The following GRAMD2B variants were observed in gnomAD, a reference collection of about 807,000 sequenced individuals.
GRAMD2B encodes GRAM domain-containing protein 2B.
Under a neutral mutation model 59.2 loss-of-function variants are expected in GRAMD2B, and 41 were observed. That is an observed-to-expected ratio of 0.69 (90% CI 0.54 to 0.90). The LOEUF is 0.90. GRAMD2B is among the 40% of genes least tolerant of loss of function. The pLI is 0.00. For missense variants in GRAMD2B, 424 were observed against 500.5 expected (o/e 0.85, Z 1.46); for synonymous variants, 161 against 182.7 (o/e 0.88, Z 0.96).
chr5:126,464,922 C>G (rs1374545256), intron 1 of GRAMD2B, among the ~76,000 whole-genome samples: 1 of 152,132 alleles, frequency 6.6e-6, no homozygotes, highest in Non-Finnish European at 1.5e-5. Flanking sequence ...TAATTCCTAC[C>G]TAGTCTGGGT....
chr5:126,464,711 C>T (rs1308126233), intron 1 of GRAMD2B, among the ~76,000 whole-genome samples: 1 of 152,158 alleles, frequency 6.6e-6, no homozygotes, highest in Admixed American at 6.5e-5. Context: ...TCCCACTCTG[C>T]CCTGGAGCTC....
chr5:126,486,750 T>G (rs899896495), intron 11 of GRAMD2B, 123 bp from the exon 12 acceptor site: 1 of 622,902 alleles, frequency 1.6e-6, no homozygotes, highest in Non-Finnish European at 2.9e-6. Context: ...TTTTAAAATC[T>G]TTTTACCAAG....
At chr5:126,372,343 C>A (rs1004699663) in intron 1 of GRAMD2B, among the ~76,000 whole-genome samples, 3 of 152,116 alleles carry the variant, frequency 2.0e-5, no homozygotes, top group Admixed American at 6.5e-5. Context: ...CTCAGAATAA[C>A]CCCCACACCC....
chr5:126,374,799 G>A (rs1279893056), intron 1 of GRAMD2B, among the ~76,000 whole-genome samples: 1 of 152,110 alleles, frequency 6.6e-6, no homozygotes, highest in East Asian at 1.9e-4. Context: ...TCACTAATCT[G>A]TAATGCCAGC....
At chr5:126,436,197 C>T (rs1355176921) in intron 1 of GRAMD2B, among the ~76,000 whole-genome samples, 1 of 152,144 alleles carries the variant, frequency 6.6e-6, no homozygotes, top group Non-Finnish European at 1.5e-5. Context: ...CCCATTTCAA[C>T]TTAATAATTA....
intron 1 of GRAMD2B, among the ~76,000 whole-genome samples, chr5:126,380,922 G>A (rs2149704133): frequency 6.6e-6 from 1 of 152,136 alleles, no homozygotes; most frequent in Non-Finnish European, 1.5e-5. Context: ...CTCTGGCTGG[G>A]ACTTTCAATA....
chr5:126,405,889 T>C (rs1442750481), intron 1 of GRAMD2B, among the ~76,000 whole-genome samples: 1 of 151,898 alleles, frequency 6.6e-6, no homozygotes, highest in Non-Finnish European at 1.5e-5. Context: ...TTTCAATAGA[T>C]ATTACATAGA....
rs779957201 is a variant in GRAMD2B at position 126,423,592 on chromosome 5, C to G, written c.-15C>G. On this transcript the variant is annotated 5_prime_UTR_variant, in exon 1 of 14. Transcript: ENST00000285689. ...GCGCGCGGAAGTCTGAAGGTGCCCT[C>G]CAGACACGGCCCCGATGACTGAACT... is the stretch of plus-strand genomic sequence containing the variant. 1.4e-5 allele frequency: 22 copies of G among 1,609,664 alleles called. No homozygotes were observed. The highest frequency in any genetic ancestry group is 3.4e-5 in the Admixed American group (2 of 59,450).
intron 1 of GRAMD2B, among the ~76,000 whole-genome samples, chr5:126,440,457 T>C (rs907924310): frequency 1.3e-5 from 2 of 152,142 alleles, no homozygotes; most frequent in African/African-American, 4.8e-5. Context: ...GCTATCCTAA[T>C]GAAGGTTCAG....
At chr5:126,431,913 C>T (rs968056322) in intron 1 of GRAMD2B, among the ~76,000 whole-genome samples, 2 of 152,144 alleles carry the variant, frequency 1.3e-5, no homozygotes, top group African/African-American at 4.8e-5. Flanking sequence ...CTCTTCTTCC[C>T]TAATGGGGAT....
At chr5:126,364,537 T>A (rs996094739) in intron 1 of GRAMD2B, among the ~76,000 whole-genome samples, 2 of 152,234 alleles carry the variant, frequency 1.3e-5, no homozygotes, top group Non-Finnish European at 2.9e-5. Flanking sequence ...TGGTACGTTT[T>A]CATTCTCTCA....
intron 1 of GRAMD2B, chr5:126,462,280 A>T: frequency 5.1e-6 from 1 of 197,218 alleles, no homozygotes; most frequent in Non-Finnish European, 9.2e-6. Flanking sequence ...CTTTAAAGTT[A>T]CTAAGTGGCC....
At chr5:126,392,076 T>C (rs1483144535) in intron 1 of GRAMD2B, among the ~76,000 whole-genome samples, 1 of 152,224 alleles carries the variant, frequency 6.6e-6, no homozygotes, top group Non-Finnish European at 1.5e-5. Context: ...CTAAACTATA[T>C]CTTCTGGATC....
At chr5:126,486,059 T>C (rs1441682933) in intron 11 of GRAMD2B, among the ~76,000 whole-genome samples, 2 of 152,200 alleles carry the variant, frequency 1.3e-5, no homozygotes, top group Non-Finnish European at 2.9e-5. Context: ...TTATTTTTTT[T>C]ACCTTATTTT....
chr5:126,464,095 T>C (rs1207709607), intron 1 of GRAMD2B, among the ~76,000 whole-genome samples: 3 of 151,968 alleles, frequency 2.0e-5, no homozygotes, highest in African/African-American at 7.3e-5. Context: ...TCAGATATAC[T>C]GGCCTTGATT....
intron 8 of GRAMD2B, among the ~76,000 whole-genome samples, chr5:126,481,871 G>C (rs1390476680): frequency 6.6e-6 from 1 of 151,846 alleles, no homozygotes; most frequent in African/African-American, 2.4e-5. Context: ...AGGAGGCCGA[G>C]GCAGGAGAAT....
rs1179723407 is a variant in GRAMD2B, at chr5:126,477,543, T to C, written c.487-149T>C. On this transcript the variant is annotated intron_variant, in intron 5 of 13. Coordinates refer to ENST00000285689, the MANE Select transcript of GRAMD2B (RefSeq NM_023927.4). ...TCAGTGATACATCCCTGCCACTCTG[T>C]AAGACTGGCTTTTTTTCATGGAGGC... 3 of 659,836 alleles carry C rather than the reference T, an allele frequency of 4.5e-6. No individual in the cohort carries two copies. The East Asian group carries it at 7.7e-5, about 17-fold the overall frequency. The allele number at this position is 659,836 out of a possible 1,614,324, so 40.9% of individuals were successfully genotyped here. A position where few individuals can be genotyped will look rare whatever the true frequency, so the allele number is the denominator to read the frequency against.
rs540397493 is a variant in GRAMD2B, at chr5:126,396,898, G to T, written c.125+25331G>T. On this transcript the variant is annotated intron_variant, in intron 1 of 8. Coordinates refer to the GRAMD2B transcript ENST00000506445. Reference sequence around the variant, plus strand: ...TGGTGTGAGATGGTATCTCACTGTGGTTTTGATTTGCATTTCTCTTATGAT... The same window carrying T: ...TGGTGTGAGATGGTATCTCACTGTGTTTTTGATTTGCATTTCTCTTATGAT... Among the ~76,000 whole-genome samples, 7 of 152,234 alleles carry T rather than the reference G, an allele frequency of 4.6e-5. No individual in the cohort carries two copies. The East Asian group carries it at 1.3e-3, about 29-fold the overall frequency.
chr5:126,424,077 A>G (rs1011030533), intron 1 of GRAMD2B, among the ~76,000 whole-genome samples: 6 of 152,236 alleles, frequency 3.9e-5, no homozygotes, highest in Non-Finnish European at 5.9e-5. Context: ...TTCAATAACG[A>G]TGGGCAATAC....
Sources: gnomAD v4.1 joint callset for allele counts (sites outside exome capture counted in the v4.1 genomes callset) on GRCh38, gnomAD v4.1.1 for gene constraint, MANE v1.5 for transcripts, NCBI Gene and HGNC (gene_info 2026-07-23, HGNC 2026-07-21) for gene names.